KLF8: variants seen among roughly 807,000 people sequenced by gnomAD.
KLF8 encodes Krueppel-like factor 8.
Under a neutral mutation model 18.2 loss-of-function variants are expected in KLF8, and 10 were observed. That is an observed-to-expected ratio of 0.55 (90% CI 0.34 to 0.93). The LOEUF is 0.93. Ranked by LOEUF, KLF8 falls within the 40% of genes least tolerant of loss-of-function variation. The pLI, the probability that KLF8 is intolerant of heterozygous loss-of-function variation, is 0.02. For synonymous variants in KLF8, 109 were observed against 97.3 expected, an observed-to-expected ratio of 1.12 and a Z score of -0.71; for missense variants, 264 against 277.9, an observed-to-expected ratio of 0.95 and a Z score of 0.36.
chrX:56,209,818 T>G, the KLF8 span, among the ~76,000 whole-genome samples: 1 of 111,548 alleles, frequency 9.0e-6, no homozygotes, highest in African/African-American at 3.3e-5. Context: ...TGGTTTGTGG[T>G]TACCATGAGG....
chrX:55,917,694 T>A, the KLF8 span, among the ~76,000 whole-genome samples: 4 of 111,529 alleles, frequency 3.6e-5, no homozygotes, highest in Admixed American at 3.8e-4. Flanking sequence ...GAAAAAGTAC[T>A]CAAGCAAAAG....
rs760310878 is a variant in KLF8, at chrX:56,288,956, C to T, written c.*4462C>T. Among the ~76,000 whole-genome samples the T allele has an allele frequency of 8.9e-6, 1 of 111,784 alleles. No individual in the cohort carries two copies. Among genetic ancestry groups the T allele is most frequent in the East Asian group, 2.8e-4 (1 of 3,570 alleles). On this transcript the variant is annotated 3_prime_UTR_variant, in exon 6 of 6. Transcript: ENST00000468660. ...TTTTTCCTCCCCTCCATACTGTACT[C>T]TCTGAAAGGAAATCACTATGTGCAG... is the stretch of plus-strand genomic sequence containing the variant.
the KLF8 span, among the ~76,000 whole-genome samples, chrX:56,053,573 C>T: frequency 1.2e-5 from 1 of 86,934 alleles, no homozygotes; most frequent in Non-Finnish European, 2.3e-5. Context: ...ATAGTTTCAG[C>T]CGGAATGATA....
chrX:56,192,254 T>G, the KLF8 span, among the ~76,000 whole-genome samples: 1 of 111,524 alleles, frequency 9.0e-6, no homozygotes, highest in Non-Finnish European at 1.9e-5. Context: ...TGCCTAGAAA[T>G]TAATTTAACC....
the KLF8 span, among the ~76,000 whole-genome samples, chrX:56,002,704 G>T: frequency 8.9e-6 from 1 of 112,187 alleles, no homozygotes; most frequent in Non-Finnish European, 1.9e-5. Context: ...GATGCTATAA[G>T]TTGCTATGCT....
At chrX:56,252,509 T>C (rs1293689444) in intron 2 of KLF8, among the ~76,000 whole-genome samples, 2 of 112,155 alleles carry the variant, frequency 1.8e-5, no homozygotes, top group Non-Finnish European at 3.8e-5. Context: ...TCACTGAACA[T>C]AATAATCTCC....
the KLF8 span, among the ~76,000 whole-genome samples, chrX:56,092,465 G>C: frequency 9.0e-6 from 1 of 111,240 alleles, no homozygotes; most frequent in Admixed American, 9.6e-5. Context: ...TGATTTTTGT[G>C]TATGGTGAGA....
chrX:56,026,005 C>T, the KLF8 span, among the ~76,000 whole-genome samples: 1 of 112,282 alleles, frequency 8.9e-6, no homozygotes, highest in Non-Finnish European at 1.9e-5. Context: ...GACAATTTTC[C>T]TCATGCTTCG....
At chrX:56,053,487 A>G in the KLF8 span, among the ~76,000 whole-genome samples, 1 of 102,250 alleles carries the variant, frequency 9.8e-6, no homozygotes, top group Admixed American at 1.0e-4. Context: ...TTTGTTGTTT[A>G]CTTGCTAGGT....
chrX:56,143,812 G>A, the KLF8 span, among the ~76,000 whole-genome samples: 11 of 112,034 alleles, frequency 9.8e-5, no homozygotes, highest in Admixed American at 1.9e-4. Flanking sequence ...TCAATCTTGA[G>A]CTGCTTTGAT....
chrX:56,026,855 G>A, the KLF8 span, among the ~76,000 whole-genome samples: 1 of 112,176 alleles, frequency 8.9e-6, no homozygotes, highest in African/African-American at 3.2e-5. Flanking sequence ...TCTTACCTCC[G>A]CATTTGGGCA....
At chrX:56,206,123 C>T in the KLF8 span, among the ~76,000 whole-genome samples, 10 of 111,079 alleles carry the variant, frequency 9.0e-5, no homozygotes, top group Non-Finnish European at 1.7e-4. Context: ...GAAACCACCC[C>T]TATGATTCAA....
the KLF8 span, among the ~76,000 whole-genome samples, chrX:56,066,713 G>A: frequency 9.0e-6 from 1 of 111,278 alleles, no homozygotes; most frequent in Non-Finnish European, 1.9e-5. Flanking sequence ...TAGGCTCCAA[G>A]GATGTGAATA....
the KLF8 span, among the ~76,000 whole-genome samples, chrX:55,948,377 C>A: frequency 8.9e-6 from 1 of 111,956 alleles, no homozygotes; most frequent in East Asian, 2.8e-4. Context: ...ATTTCTGAAA[C>A]TAGCTACAGA....
the KLF8 span, among the ~76,000 whole-genome samples, chrX:56,185,809 C>G: frequency 9.0e-6 from 1 of 111,568 alleles, no homozygotes; most frequent in Non-Finnish European, 1.9e-5. Flanking sequence ...AAATCCTTTA[C>G]AGAAAAGCAA....
chrX:56,197,066 A>G, the KLF8 span, among the ~76,000 whole-genome samples: 2 of 111,870 alleles, frequency 1.8e-5, no homozygotes, highest in Admixed American at 9.5e-5. Context: ...GACACAATGT[A>G]CCAGAATATC....
At chrX:55,959,916 A>T in the KLF8 span, among the ~76,000 whole-genome samples, 2 of 111,001 alleles carry the variant, frequency 1.8e-5, no homozygotes, top group Non-Finnish European at 3.8e-5. Context: ...TTACTATAGG[A>T]GATGACCATT....
chrX:56,244,969 A>G (rs966212971), intron 1 of KLF8, among the ~76,000 whole-genome samples: 1 of 112,037 alleles, frequency 8.9e-6, no homozygotes, highest in African/African-American at 3.2e-5. Flanking sequence ...GAGGTATTAG[A>G]AAATGGTTGG....
chrX:56,213,314 CTTTTTT>C, the KLF8 span, among the ~76,000 whole-genome samples: 2 of 12,016 alleles, frequency 1.7e-4, no homozygotes, highest in African/African-American at 6.2e-4. Context: ...CTTTTCTTTT[CTTTTTT>C]TTTTTTTTTT....
Sources: allele counts gnomAD v4.1 joint callset (sites outside exome capture counted in the v4.1 genomes callset), GRCh38; gene constraint gnomAD v4.1.1; transcripts MANE v1.5; gene names NCBI Gene and HGNC (gene_info 2026-07-23, HGNC 2026-07-21).